Variants in SHROOM3 observed in about 807,000 individuals in gnomAD.
The protein encoded by SHROOM3 is protein Shroom3.
Under a neutral mutation model 138.6 loss-of-function variants are expected in SHROOM3, and 47 were observed. The ratio of observed to expected loss-of-function variants is 0.34; its 90% CI spans 0.27 to 0.43. SHROOM3 has a LOEUF of 0.43. SHROOM3 is among the 20% of genes least tolerant of loss of function. The pLI is 1.00. For missense variants in SHROOM3, 2,491 were observed against 2,596.5 expected, an observed-to-expected ratio of 0.96 and a Z score of 0.88; for synonymous variants, 1,062 against 1,063.3, an observed-to-expected ratio of 1.00 and a Z score of 0.02.
At chr4:76,721,107 C>G (rs894618283) in intron 3 of SHROOM3, among the ~76,000 whole-genome samples, 1 of 151,648 alleles carries the variant, frequency 6.6e-6, no homozygotes, top group Admixed American at 6.6e-5. Context: ...GTCAGGAGAT[C>G]GAGACCATCC....
At chr4:76,554,406 G>GT (rs1218337083) in intron 1 of SHROOM3, among the ~76,000 whole-genome samples, 1 of 141,752 alleles carries the variant, frequency 7.1e-6, no homozygotes, top group Non-Finnish European at 1.5e-5. Flanking sequence ...TTTTTTTGTT[G>GT]TTTTTTGTTT....
chr4:76,513,450 A>T (rs1030324029), intron 1 of SHROOM3, among the ~76,000 whole-genome samples: 1 of 151,992 alleles, frequency 6.6e-6, no homozygotes, highest in African/African-American at 2.4e-5. Flanking sequence ...CGTAGCTGGG[A>T]CTACAGGCAC....
intron 1 of SHROOM3, among the ~76,000 whole-genome samples, chr4:76,547,546 C>T (rs1427361786): frequency 1.3e-5 from 2 of 152,150 alleles, no homozygotes; most frequent in African/African-American, 4.8e-5. Context: ...GTCGGGGATA[C>T]AGCAGTAAAC....
At chr4:76,606,264 G>A (rs527879914) in intron 2 of SHROOM3, among the ~76,000 whole-genome samples, 84 of 150,126 alleles carry the variant, frequency 5.6e-4, no homozygotes, top group Non-Finnish European at 1.1e-3. Flanking sequence ...TGCCTGCCTC[G>A]GCCTCCCAAA....
chr4:76,772,291 A>T (rs1722388658), intron 10 of SHROOM3, among the ~76,000 whole-genome samples: 1 of 151,378 alleles, frequency 6.6e-6, no homozygotes, highest in Non-Finnish European at 1.5e-5. Flanking sequence ...TTTAGTAGAG[A>T]CGGGGTTTTA....
intron 1 of SHROOM3, among the ~76,000 whole-genome samples, chr4:76,487,578 G>T (rs996580710): frequency 6.6e-6 from 1 of 151,958 alleles, no homozygotes; most frequent in Non-Finnish European, 1.5e-5. Flanking sequence ...TGGTAATTCT[G>T]GGTCCTGTAT....
At chr4:76,439,448 A>G (rs1332717584) in intron 1 of SHROOM3, among the ~76,000 whole-genome samples, 1 of 152,212 alleles carries the variant, frequency 6.6e-6, no homozygotes, top group Non-Finnish European at 1.5e-5. Context: ...TAGGGGAGAC[A>G]GGGCATTATT....
chr4:76,596,344 A>G (rs1166286219), intron 2 of SHROOM3, among the ~76,000 whole-genome samples: 1 of 152,144 alleles, frequency 6.6e-6, no homozygotes, highest in African/African-American at 2.4e-5. Context: ...CCTGGGAGGT[A>G]GAGGCTACAG....
intron 2 of SHROOM3, among the ~76,000 whole-genome samples, chr4:76,591,581 T>C (rs1471609830): frequency 6.7e-6 from 1 of 149,468 alleles, no homozygotes; most frequent in African/African-American, 2.4e-5. Context: ...ATTGGTAGTG[T>C]GTATTGCTAC....
intron 1 of SHROOM3, among the ~76,000 whole-genome samples, chr4:76,517,943 A>G (rs1732477211): frequency 6.6e-6 from 1 of 152,242 alleles, no homozygotes; most frequent in African/African-American, 2.4e-5. Flanking sequence ...TAGAAGAGGA[A>G]CATGAAGACT....
chr4:76,759,196 T>C (rs957665937), intron 8 of SHROOM3, among the ~76,000 whole-genome samples: 33 of 152,362 alleles, frequency 2.2e-4, no homozygotes, highest in East Asian at 1.7e-3. Context: ...GATTGAGTCA[T>C]GGTTCCACAC....
Position 76,573,381 on chromosome 4 carries a change from C to CAAT in SHROOM3, c.323+17664_323+17666dup, listed in dbSNP as rs6148528. 3.1e-3 allele frequency among the ~76,000 whole-genome samples: 436 copies of CAAT among 141,032 alleles called. 1 individual carries two copies. The highest frequency in any genetic ancestry group is 9.4e-3 in the South Asian group (40 of 4,272). 92.5% of individuals were successfully genotyped at this position (141,032 alleles called of 152,430 possible). On this transcript the variant is annotated intron_variant, in intron 2 of 10. Coordinates refer to ENST00000296043, the MANE Select transcript of SHROOM3 (RefSeq NM_020859.4). ...TTACAAACCCACTTCTGCTGGTTGG[C>CAAT]AATAATAATAATAATAATAATAATA... is the stretch of plus-strand genomic sequence containing the variant.
chr4:76,555,896 T>G, intron 2 of SHROOM3, 133 bp downstream of exon 2: 1 of 947,362 alleles, frequency 1.1e-6, no homozygotes, highest in Non-Finnish European at 1.6e-6. Context: ...TCCTGCCTTT[T>G]TTTCTTTTTT....
intron 4 of SHROOM3, among the ~76,000 whole-genome samples, chr4:76,732,628 A>C (rs1720920434): frequency 6.6e-6 from 1 of 152,140 alleles, no homozygotes; most frequent in African/African-American, 2.4e-5. Context: ...GTGTCTCCTG[A>C]CCCTTGACAA....
At chr4:76,568,041 C>T (rs190418244) in intron 2 of SHROOM3, among the ~76,000 whole-genome samples, 1 of 152,274 alleles carries the variant, frequency 6.6e-6, no homozygotes, top group East Asian at 1.9e-4. Flanking sequence ...TCCTCACACC[C>T]TTCTAATCTT....
intron 9 of SHROOM3, among the ~76,000 whole-genome samples, chr4:76,768,955 C>T (rs1379004188): frequency 6.6e-5 from 10 of 152,100 alleles, no homozygotes; most frequent in Admixed American, 2.6e-4. Context: ...TCTGATGGTC[C>T]GACTCCAAGA....
intron 1 of SHROOM3, among the ~76,000 whole-genome samples, chr4:76,477,212 C>A (rs544815211): frequency 2.0e-5 from 3 of 152,034 alleles, no homozygotes; most frequent in Non-Finnish European, 4.4e-5. Context: ...CGTGATCCAC[C>A]CCCCACTCGG....
intron 1 of SHROOM3, among the ~76,000 whole-genome samples, chr4:76,479,034 C>T (rs1012938908): frequency 4.6e-5 from 7 of 152,026 alleles, no homozygotes; most frequent in Admixed American, 2.0e-4. Context: ...AAAAACAGCT[C>T]GAAAAGGCTG....
At chr4:76,606,078 A>G (rs1272730728) in intron 2 of SHROOM3, among the ~76,000 whole-genome samples, 1 of 138,086 alleles carries the variant, frequency 7.2e-6, no homozygotes, top group African/African-American at 2.7e-5. Context: ...CAGTGGTGCA[A>G]TCTCGGCTCA....
Sources: gnomAD v4.1 joint callset for allele counts (sites outside exome capture counted in the v4.1 genomes callset) on GRCh38, gnomAD v4.1.1 for gene constraint, MANE v1.5 for transcripts, NCBI Gene and HGNC (gene_info 2026-07-23, HGNC 2026-07-21) for gene names.